AKAP10: variants seen among roughly 807,000 people sequenced by gnomAD.
AKAP10 encodes A-kinase anchor protein 10, mitochondrial.
AKAP10 carries 24 observed loss-of-function variants against 80.8 expected under a neutral mutation model. The observed-to-expected ratio is 0.30, with a 90% CI of 0.22 to 0.42. The LOEUF (loss-of-function observed/expected upper bound fraction) is 0.42. AKAP10 is among the 10% of genes least tolerant of loss of function. The pLI is 1.00. For synonymous variants in AKAP10, 291 were observed against 277.7 expected (o/e 1.05, Z -0.48); for missense variants, 661 against 794.9 (o/e 0.83, Z 2.03).
chr17:19,910,566 T>C (rs1394026397), intron 12 of AKAP10, among the ~76,000 whole-genome samples: 1 of 152,206 alleles, frequency 6.6e-6, no homozygotes, highest in Non-Finnish European at 1.5e-5. Flanking sequence ...TCTCCTCACT[T>C]GATGAAAGAA....
intron 1 of AKAP10, among the ~76,000 whole-genome samples, chr17:19,977,011 G>A (rs1243805258): frequency 2.0e-5 from 3 of 152,006 alleles, no homozygotes; most frequent in Admixed American, 1.3e-4. Flanking sequence ...TAAGTAGTTC[G>A]TTTGTAAGTT....
intron 10 of AKAP10, among the ~76,000 whole-genome samples, chr17:19,929,185 C>T (rs538994071): frequency 6.6e-6 from 1 of 152,008 alleles, no homozygotes; most frequent in Non-Finnish European, 1.5e-5. Context: ...AAAAAGTAGA[C>T]TAGTGGCTGC....
intron 4 of AKAP10, 24 bp downstream of exon 4, chr17:19,957,990 C>T: frequency 1.3e-6 from 2 of 1,585,572 alleles, no homozygotes; most frequent in Non-Finnish European, 1.7e-6. Context: ...CACATATGTA[C>T]ACACAAGAAA....
intron 5 of AKAP10, among the ~76,000 whole-genome samples, chr17:19,946,413 A>G (rs890319773): frequency 1.9e-4 from 28 of 144,188 alleles, no homozygotes; most frequent in Non-Finnish European, 2.9e-4. Context: ...TGACTCTGCC[A>G]TATCTGAGCT....
Sources: allele counts gnomAD v4.1 joint callset (sites outside exome capture counted in the v4.1 genomes callset), GRCh38; gene constraint gnomAD v4.1.1; transcripts MANE v1.5; gene names NCBI Gene and HGNC (gene_info 2026-07-23, HGNC 2026-07-21).